Variants in ZSWIM5 observed in about 807,000 individuals in gnomAD.
ZSWIM5 encodes the protein zinc finger SWIM-type containing 5.
In ZSWIM5, 55 loss-of-function variants were observed where a neutral mutation model predicts 119.6. The observed-to-expected ratio is 0.46, with a 90% CI of 0.37 to 0.58. ZSWIM5 has a LOEUF of 0.58. Among genes scored for constraint, ZSWIM5 ranks in the 20% least tolerant of loss-of-function variants. The probability of loss-of-function intolerance (pLI) is 0.00; values close to 1 mark genes in which losing one functional copy is unlikely to be tolerated. For missense variants in ZSWIM5, 1,193 were observed against 1,512.8 expected (o/e 0.79, Z 3.51); for synonymous variants, 537 against 606.9 (o/e 0.88, Z 1.69).
intron 1 of ZSWIM5, among the ~76,000 whole-genome samples, chr1:45,161,751 C>A (rs949181380): frequency 7.2e-5 from 11 of 152,328 alleles, no homozygotes; most frequent in Non-Finnish European, 1.5e-4. Flanking sequence ...AGAATTTCAT[C>A]AAGTCAATAA....
At chr1:45,163,546 G>A (rs565880718) in intron 1 of ZSWIM5, among the ~76,000 whole-genome samples, 16 of 152,256 alleles carry the variant, frequency 1.1e-4, no homozygotes, top group African/African-American at 2.2e-4. Flanking sequence ...GAGGATGTTC[G>A]AACCCATCGC....
At position 45,127,600 on chromosome 1, in the gene ZSWIM5, T is replaced by A. The variant is rs1234542363; in HGVS notation, c.596-39363A>T. On this transcript the variant is annotated intron_variant, in intron 1 of 13. Coordinates refer to ENST00000359600, the MANE Select transcript of ZSWIM5 (RefSeq NM_020883.2). ...TGCACACCACGATGCCAGGCTAATTTAAAAAAAAAAATTTTTTTTTTAGAG... is the reference window on the plus strand; with the variant it reads ...TGCACACCACGATGCCAGGCTAATTAAAAAAAAAAAATTTTTTTTTTAGAG... Among the ~76,000 whole-genome samples the A allele has an allele frequency of 6.7e-5, 10 of 149,966 alleles. No homozygotes were observed. The East Asian group carries it at 1.4e-3, about 20-fold the overall frequency.
chr1:45,158,022 A>G (rs1053851724), intron 1 of ZSWIM5, among the ~76,000 whole-genome samples: 4 of 152,004 alleles, frequency 2.6e-5, no homozygotes, highest in Non-Finnish European at 5.9e-5. Context: ...TTCTTTTTAT[A>G]ATTGAGTTGT....
intron 1 of ZSWIM5, among the ~76,000 whole-genome samples, chr1:45,163,244 C>A (rs892771596): frequency 6.6e-6 from 1 of 152,318 alleles, no homozygotes; most frequent in African/African-American, 2.4e-5. Context: ...TCCAACAGAC[C>A]TGCAGCTGAG....
chr1:45,059,018 A>C (rs1247631993), intron 3 of ZSWIM5, among the ~76,000 whole-genome samples: 4 of 152,240 alleles, frequency 2.6e-5, no homozygotes, highest in African/African-American at 9.6e-5. Flanking sequence ...GACAGGATGT[A>C]AAGAAATTGA....
chr1:45,092,276 G>C (rs935398209), intron 1 of ZSWIM5, among the ~76,000 whole-genome samples: 2 of 151,998 alleles, frequency 1.3e-5, no homozygotes, highest in Non-Finnish European at 2.9e-5. Flanking sequence ...AGGTGTGATG[G>C]TAAGTTTTTT....
intron 1 of ZSWIM5, among the ~76,000 whole-genome samples, chr1:45,110,878 T>A (rs2149023332): frequency 6.6e-6 from 1 of 152,270 alleles, no homozygotes; most frequent in African/African-American, 2.4e-5. Context: ...ACTTTTAAGC[T>A]CAGGATGAAT....
chr1:45,143,153 CAG>C (rs1645737557), intron 1 of ZSWIM5, among the ~76,000 whole-genome samples: 1 of 120,592 alleles, frequency 8.3e-6, no homozygotes, highest in Admixed American at 1.1e-4. Context: ...GCCTGGGCGA[CAG>C]AGTGAGACTC....
In ZSWIM5 at chr1:45,018,552, C is replaced by G. The variant is rs1195264028; in HGVS notation, c.3460G>C (p.Asp1154His). 1 of 1,614,064 alleles carries G rather than the reference C, an allele frequency of 6.2e-7. No homozygotes were observed. Among genetic ancestry groups the G allele is most frequent in the Non-Finnish European group, 8.5e-7 (1 of 1,180,044 alleles). ...KARETFLLPQ[D>H]GHLQFAQFID... ...AACTGGGCAAACTGCAGGTGGCCAT[C>G]CTGGGGCAGCAGGAAGGTCTCCCGA... is the stretch of plus-strand genomic sequence containing the variant. The change falls in exon 14 of 14, where the codon GAT becomes CAT. Residue 1154 changes from aspartate (D) to histidine (H), a missense_variant. Physicochemically the swap from Asp to His is moderately conservative, Grantham distance 81. This residue lies in a region of ZSWIM5 where 961 missense variants were observed against 1,290.0 expected (regional missense o/e 0.74). Coordinates refer to ENST00000359600, the MANE Select transcript of ZSWIM5 (RefSeq NM_020883.2). The surrounding 1 kb of genome is among the most constrained non-coding windows in gnomAD (Gnocchi z 6.7).
chr1:45,044,538 A>G (rs980634115), intron 5 of ZSWIM5, among the ~76,000 whole-genome samples: 18 of 148,838 alleles, frequency 1.2e-4, no homozygotes, highest in African/African-American at 4.2e-4. Context: ...CCTGACCAAC[A>G]TGGTGAAACT....
At position 45,163,180 on chromosome 1, in the gene ZSWIM5, G is replaced by C. The variant is rs111343415; in HGVS notation, c.595+42576C>G. Among the ~76,000 whole-genome samples, 1,125 of 152,332 alleles carry C rather than the reference G, an allele frequency of 7.4e-3. 14 individuals are homozygous for C. The highest frequency in any genetic ancestry group is 0.026 in the African/African-American group (1,079 of 41,570). On this transcript the variant is annotated intron_variant, in intron 1 of 13. Coordinates refer to ENST00000359600, the MANE Select transcript of ZSWIM5 (RefSeq NM_020883.2). Reference sequence around the variant, plus strand: ...ATTCTGCAATATTTGCAGTTCTGCAGCCTCTGCTGGTGATACCCAGGTAAA... The same window carrying C: ...ATTCTGCAATATTTGCAGTTCTGCACCCTCTGCTGGTGATACCCAGGTAAA...
chr1:45,147,584 C>CA (rs11409330), intron 1 of ZSWIM5, among the ~76,000 whole-genome samples: 57,266 of 93,166 alleles, frequency 0.61, 16,648 homozygotes, highest in Non-Finnish European at 0.65. Context: ...TTTACACATG[C>CA]AAAAAAAAAA....
Position 45,034,409 on chromosome 1 carries a change from C to T in ZSWIM5, c.2352G>A (p.Val784=), listed in dbSNP as rs201292108. The change falls in exon 11 of 14, where the codon GTG becomes GTA. Residue 784 remains valine (V), a synonymous_variant. Transcript: ENST00000359600. The stretch of plus-strand genomic sequence containing the variant: ...GAGGATAACGGCTGGGCACCACAGA[C>T]ACCATATGGTGAGGGTGGGATGTGT... ...AGDTSHPHHM[V]SVVPSRYPRW... is the part of the protein sequence containing the mutation. 9 of 1,613,990 alleles carry T rather than the reference C, an allele frequency of 5.6e-6. No individual in the cohort carries two copies. The Admixed American group carries it at 6.7e-5, about 12-fold the overall frequency.
chr1:45,164,275 G>T (rs1645885463), intron 1 of ZSWIM5, among the ~76,000 whole-genome samples: 1 of 152,182 alleles, frequency 6.6e-6, no homozygotes, highest in Non-Finnish European at 1.5e-5. Flanking sequence ...AATGCTGAGA[G>T]ATTTTGTCAC....
At chr1:45,060,350 C>G in intron 2 of ZSWIM5, 103 bp from the exon 3 acceptor site, 3 of 1,225,508 alleles carry the variant, frequency 2.4e-6, no homozygotes, top group Non-Finnish European at 3.4e-6. Context: ...ATGGGTCATT[C>G]TGCTTTAATA....
intron 1 of ZSWIM5, among the ~76,000 whole-genome samples, chr1:45,188,286 T>C (rs142684037): frequency 2.0e-5 from 3 of 152,338 alleles, no homozygotes; most frequent in Non-Finnish European, 2.9e-5. Flanking sequence ...AGTACAGATA[T>C]ATGTTACACA....
chr1:45,094,886 G>T (rs1046805940), intron 1 of ZSWIM5, among the ~76,000 whole-genome samples: 1 of 150,450 alleles, frequency 6.6e-6, no homozygotes, highest in Non-Finnish European at 1.5e-5. Flanking sequence ...AAAAGACAGA[G>T]ACAGCAGTAT....
At chr1:45,054,867 C>A (rs544300250) in intron 4 of ZSWIM5, among the ~76,000 whole-genome samples, 1 of 152,062 alleles carries the variant, frequency 6.6e-6, no homozygotes, top group Non-Finnish European at 1.5e-5. Context: ...GCTCTGTCAC[C>A]GAGGCTGGAG....
intron 1 of ZSWIM5, among the ~76,000 whole-genome samples, chr1:45,192,179 T>C (rs1646096756): frequency 2.6e-5 from 4 of 152,162 alleles, no homozygotes; most frequent in African/African-American, 9.7e-5. Flanking sequence ...AGTTCAGTGG[T>C]ATTAAGCACA....
Sources: gnomAD v4.1 joint callset for allele counts (sites outside exome capture counted in the v4.1 genomes callset) on GRCh38, gnomAD v4.1.1 for gene constraint, gnomAD v4.1.1 regional missense constraint, Gnocchi (gnomAD v3.1) non-coding constraint, MANE v1.5 for transcripts, NCBI Gene and HGNC (gene_info 2026-07-23, HGNC 2026-07-21) for gene names.